The following HNRNPA2B1 variants were observed in gnomAD, a reference collection of about 807,000 sequenced individuals.
HNRNPA2B1 encodes the protein heterogeneous nuclear ribonucleoproteins A2/B1.
A neutral mutation model predicts 46.3 loss-of-function variants in HNRNPA2B1; 3 were observed. That is an observed-to-expected ratio of 0.06 (90% CI 0.03 to 0.17). The LOEUF (loss-of-function observed/expected upper bound fraction) is 0.17, where lower values mean the gene tolerates loss of function less well. HNRNPA2B1 is among the 10% of genes least tolerant of loss of function. The pLI, the probability that HNRNPA2B1 is intolerant of heterozygous loss-of-function variation, is 1.00. For synonymous variants in HNRNPA2B1, 225 were observed against 133.8 expected (o/e 1.68, Z -4.70); for missense variants, 221 against 418.9 (o/e 0.53, Z 4.12).
intron 1 of HNRNPA2B1, chr7:26,200,341 C>T: frequency 1.7e-6 from 1 of 591,522 alleles, no homozygotes; most frequent in Non-Finnish European, 3.0e-6. Flanking sequence ...GAAAGCTCCC[C>T]ATCCCCCACC....
chr7:26,196,716 A>G (rs928829379), intron 4 of HNRNPA2B1, 58 bp from the exon 5 acceptor site: 34 of 1,570,834 alleles, frequency 2.2e-5, no homozygotes, highest in Admixed American at 3.4e-5. Flanking sequence ...AGCAGCTTCA[A>G]AAGTTTACCT....
Position 26,193,711 on chromosome 7 carries a change from C to A in HNRNPA2B1, c.722-17G>T. The A allele has an allele frequency of 6.2e-7, 1 of 1,603,482 alleles. No homozygotes were observed. The highest frequency in any genetic ancestry group is 8.5e-7 in the Non-Finnish European group (1 of 1,173,200). ...AATTGCCACCTATTATAAAATAAGCCTTTAAGTAATCACTTAATATTTTCA... is the reference window on the plus strand; with the variant it reads ...AATTGCCACCTATTATAAAATAAGCATTTAAGTAATCACTTAATATTTTCA... On this transcript the variant is annotated splice_polypyrimidine_tract_variant and intron_variant, in intron 7 of 10. Coordinates refer to ENST00000618183, the MANE Select transcript of HNRNPA2B1 (RefSeq NM_002137.4).
At chr7:26,192,374 G>C in intron 10 of HNRNPA2B1, 36 bp from the exon 11 acceptor site, 1 of 706,440 alleles carries the variant, frequency 1.4e-6, no homozygotes. Flanking sequence ...AAAAAAAATA[G>C]GTTATGAAAT....
At chr7:26,199,985 CAA>C (rs951677744) in intron 1 of HNRNPA2B1, 8 of 154,892 alleles carry the variant, frequency 5.2e-5, no homozygotes, top group African/African-American at 1.7e-4. Context: ...TCCAAGCTCA[CAA>C]AACACTCCAA....
At position 26,200,733 on chromosome 7, in the gene HNRNPA2B1, G is replaced by GCGCTGCTGCTACTGCCGCTAGAGC. The variant is rs1562732592; in HGVS notation, c.-157_-156insGCTCTAGCGGCAGTAGCAGCAGCG. ...GAGGAGCACCTCCGCACGGGACCCG[G>GCGCTGCTGCTACTGCCGCTAGAGC]CGCTGCTGCTACTGCCGCTAGAGCC... On this transcript the variant is annotated 5_prime_UTR_variant, in exon 1 of 11. Coordinates refer to ENST00000618183, the MANE Select transcript of HNRNPA2B1 (RefSeq NM_002137.4). 3.3e-6 allele frequency: 3 copies of GCGCTGCTGCTACTGCCGCTAGAGC among 918,316 alleles called. No homozygotes were observed. The Admixed American group carries it at 5.5e-5, about 17-fold the overall frequency. 56.9% of individuals were successfully genotyped at this position (918,316 alleles called of 1,614,324 possible). A position where few individuals can be genotyped will look rare whatever the true frequency, so the allele number is the denominator to read the frequency against.
At chr7:26,193,858 G>A (rs1398849135) in intron 7 of HNRNPA2B1, among the ~76,000 whole-genome samples, 164 bp from the exon 8 acceptor site, 3 of 152,142 alleles carry the variant, frequency 2.0e-5, no homozygotes, top group Non-Finnish European at 4.4e-5. Context: ...GTAAACATTT[G>A]GTGGCTGGGG....
Position 26,196,648 on chromosome 7 carries a change from G to A in HNRNPA2B1, c.486C>T (p.Tyr162=), listed in dbSNP as rs761317835. Residue 162 remains tyrosine, a synonymous_variant, in exon 5 of 11, where the codon TAC becomes TAT. Transcript: ENST00000618183. ...DPVDKIVLQK[Y]HTINGHNAEV... ...CTGCATTATGACCATTGATGGTATG[G>A]TATTTCTGCACTGGAATGAAAAATT... 8.1e-6 allele frequency: 13 copies of A among 1,612,834 alleles called. No individual in the cohort carries two copies. Among genetic ancestry groups the A allele is most frequent in the South Asian group, 1.1e-5 (1 of 90,916 alleles).
At chr7:26,198,776 G>C (rs936697934) in intron 1 of HNRNPA2B1, 2 of 152,168 alleles carry the variant, frequency 1.3e-5, no homozygotes, top group African/African-American at 4.8e-5. Context: ...TGCTACAAAC[G>C]CATAATGCAA....
chr7:26,192,702 C>T, intron 9 of HNRNPA2B1, 125 bp from the exon 10 acceptor site: 1 of 779,050 alleles, frequency 1.3e-6, no homozygotes, highest in East Asian at 2.5e-5. Context: ...TAATCCTTTG[C>T]AGCCAGTTAG....
At chr7:26,200,275 A>C in intron 1 of HNRNPA2B1, 1 of 458,590 alleles carries the variant, frequency 2.2e-6, no homozygotes. Flanking sequence ...GAAAGGGAAT[A>C]AGAATTCCCG....
chr7:26,198,744 G>A (rs1419985002), intron 1 of HNRNPA2B1: 2 of 152,226 alleles, frequency 1.3e-5, no homozygotes, highest in African/African-American at 4.8e-5. Context: ...TCAAACGAGA[G>A]AAAGTGATAT....
At chr7:26,198,480 G>A (rs6968551) in intron 1 of HNRNPA2B1, 6,863 of 152,308 alleles carry the variant, frequency 0.045, 550 homozygotes, top group African/African-American at 0.16. Flanking sequence ...TGACAATACA[G>A]AATATGAATT....
rs1583990416 is a variant in HNRNPA2B1, at chr7:26,196,574, G to C, written c.560C>G (p.Ser187Cys). ...AAAATTACCTCCTCTTCCACTCCTA[G>C]AACTCTGAACTTCCTGCATTTCTTG... ...SRQEMQEVQS[S>C]RSGRGGNFGF... Residue 187 changes from serine to cysteine, a missense_variant, in exon 5 of 11, where the codon TCT (serine) becomes TGT (cysteine). Physicochemically the swap from Ser to Cys is moderately radical, Grantham distance 112 (BLOSUM62 -1). This residue lies in a region of HNRNPA2B1 where 143 missense variants were observed against 200.5 expected (regional missense o/e 0.71). Coordinates refer to ENST00000618183, the MANE Select transcript of HNRNPA2B1 (RefSeq NM_002137.4). 6.2e-7 allele frequency: 1 copy of C among 1,613,604 alleles called. No individual in the cohort carries two copies. The highest frequency in any genetic ancestry group is 8.5e-7 in the Non-Finnish European group (1 of 1,179,600).
Position 26,189,938 on chromosome 7 carries a change from A to G in HNRNPA2B1, c.*2422T>C, listed in dbSNP as rs1366380647. On this transcript the variant is annotated 3_prime_UTR_variant, in exon 11 of 11. Coordinates refer to ENST00000618183, the MANE Select transcript of HNRNPA2B1 (RefSeq NM_002137.4). ...TCAAACGCTGAATATACAGTGCATA[A>G]TGAACAGCATTTTATTGGGGACAGC... The G allele has an allele frequency of 6.6e-6, 1 of 152,228 alleles. No individual in the cohort carries two copies. Among genetic ancestry groups the G allele is most frequent in the African/African-American group, 2.4e-5 (1 of 41,476 alleles). The allele number at this position is 152,228 out of a possible 1,614,324, so 9.4% of individuals were successfully genotyped here.
chr7:26,193,568 T>C lies in HNRNPA2B1; in HGVS notation c.841+7A>G. The C allele has an allele frequency of 6.3e-7, 1 of 1,577,888 alleles. No individual in the cohort carries two copies. Among genetic ancestry groups the C allele is most frequent in the Non-Finnish European group, 8.6e-7 (1 of 1,169,308 alleles). On this transcript the variant is annotated splice_region_variant and intron_variant, in intron 8 of 10. Transcript: ENST00000618183. ...TCCCACATAAAGGTTGCAGGTGAAT[T>C]TATTACCTCCTCCATAGTTGTCATA...
intron 1 of HNRNPA2B1, chr7:26,198,624 A>C (rs2128126662): frequency 6.6e-6 from 1 of 152,374 alleles, no homozygotes; most frequent in South Asian, 2.1e-4. Flanking sequence ...CCAAGTCAAT[A>C]GGAAAAACCT....
intron 3 of HNRNPA2B1, 31 bp downstream of exon 3, chr7:26,197,284 T>C (rs777206380): frequency 6.4e-7 from 1 of 1,571,514 alleles, no homozygotes; most frequent in Admixed American, 2.0e-5. Flanking sequence ...GTTCTTCATG[T>C]TAATGCACAA....
At chr7:26,197,756 ATTTTT>A (rs777229091) in intron 1 of HNRNPA2B1, 24 bp from the exon 2 acceptor site, 3 of 1,601,744 alleles carry the variant, frequency 1.9e-6, no homozygotes, top group Admixed American at 3.4e-5. Flanking sequence ...TACCATTTCA[ATTTTT>A]ATTTACATTT....
intron 1 of HNRNPA2B1, chr7:26,198,739 CGAGA>C (rs1294028291): frequency 1.3e-5 from 2 of 152,200 alleles, no homozygotes; most frequent in Non-Finnish European, 2.9e-5. Context: ...AAACCTCAAA[CGAGA>C]GAAAGTGATA....
Sources: allele counts gnomAD v4.1 joint callset (sites outside exome capture counted in the v4.1 genomes callset), GRCh38; gene constraint gnomAD v4.1.1; regional missense constraint gnomAD v4.1.1; transcripts MANE v1.5; gene names NCBI Gene and HGNC (gene_info 2026-07-23, HGNC 2026-07-21).